CADM2: variants seen among roughly 807,000 people sequenced by gnomAD.
CADM2 encodes the protein cell adhesion molecule 2, also known as immunoglobulin superfamily member 4D.
A neutral mutation model predicts 49.8 loss-of-function variants in CADM2; 12 were observed. That is an observed-to-expected ratio of 0.24 (90% CI 0.15 to 0.39). CADM2 has a LOEUF of 0.39. Among genes scored for constraint, CADM2 ranks in the 10% least tolerant of loss-of-function variants. The probability of loss-of-function intolerance (pLI) is 1.00; values close to 1 mark genes in which losing one functional copy is unlikely to be tolerated. For synonymous variants in CADM2, 214 were observed against 175.4 expected (o/e 1.22, Z -1.74); for missense variants, 378 against 492.3 (o/e 0.77, Z 2.20).
intron 1 of CADM2, among the ~76,000 whole-genome samples, chr3:85,191,867 CAGA>C (rs1306022734): frequency 6.6e-6 from 1 of 151,886 alleles, no homozygotes; most frequent in Admixed American, 6.6e-5. Flanking sequence ...CTGTAGTTTT[CAGA>C]AGGCTTCCAC....
intron 1 of CADM2, among the ~76,000 whole-genome samples, chr3:85,186,711 G>A (rs72909174): frequency 0.063 from 9,549 of 151,264 alleles, 991 homozygotes; most frequent in African/African-American, 0.22. Context: ...CTTGACAATC[G>A]GAAACGTCTC....
chr3:85,173,455 A>G (rs547973723), intron 1 of CADM2, among the ~76,000 whole-genome samples: 2 of 151,664 alleles, frequency 1.3e-5, no homozygotes, highest in East Asian at 1.9e-4. Flanking sequence ...ATTTAATTCA[A>G]TGTTTCTGCT....
At chr3:85,068,090 A>C (rs1043692500) in intron 1 of CADM2, among the ~76,000 whole-genome samples, 1 of 152,176 alleles carries the variant, frequency 6.6e-6, no homozygotes, top group Non-Finnish European at 1.5e-5. Context: ...TTCTCTAGAC[A>C]CTATTTTTAA....
intron 1 of CADM2, among the ~76,000 whole-genome samples, chr3:85,258,078 C>T (rs1021901418): frequency 6.6e-6 from 1 of 152,018 alleles, no homozygotes; most frequent in Non-Finnish European, 1.5e-5. Context: ...GATTCACTTT[C>T]CTATTGGCTT....
In CADM2 at chr3:85,912,561, C is replaced by T. The variant is rs143748547; in HGVS notation, c.700+18C>T. 7.2e-5 allele frequency: 116 copies of T among 1,601,546 alleles called. No homozygotes were observed. The highest frequency in any genetic ancestry group is 1.5e-4 in the Admixed American group (9 of 58,592). ...AATACACTGTAAGTAAACACTACTT[C>T]CCCCTCCTTTATCTCAGCAGCAAAT... On this transcript the variant is annotated intron_variant, in intron 6 of 9. Coordinates refer to ENST00000383699, the MANE Select transcript of CADM2 (RefSeq NM_001167675.2).
rs578163910 is a variant in CADM2, at chr3:85,070,424, T to C, written c.61+110756T>C. On this transcript the variant is annotated intron_variant, in intron 1 of 9. Transcript: ENST00000383699. ...CTAGATTCCTCTCCTCTAGATTGCC[T>C]GGGATTATTTGTTTAGACCATTAAA... Among the ~76,000 whole-genome samples, 14 of 152,326 alleles carry C rather than the reference T, an allele frequency of 9.2e-5. 1 individual carries two copies. In the South Asian group the frequency reaches 2.5e-3, roughly 27 times the overall value.
chr3:85,559,554 T>C (rs1203207488), intron 1 of CADM2, among the ~76,000 whole-genome samples: 2 of 151,918 alleles, frequency 1.3e-5, no homozygotes, highest in Admixed American at 1.3e-4. Context: ...AATTATATAG[T>C]AAATATATTT....
intron 1 of CADM2, among the ~76,000 whole-genome samples, chr3:85,023,715 C>T (rs1483919803): frequency 6.6e-6 from 1 of 152,070 alleles, no homozygotes; most frequent in African/African-American, 2.4e-5. Flanking sequence ...ATTTCTGTCA[C>T]TCCTAAATAA....
chr3:85,593,962 G>T (rs1015793786), intron 1 of CADM2, among the ~76,000 whole-genome samples: 54 of 151,802 alleles, frequency 3.6e-4, no homozygotes, highest in African/African-American at 1.3e-3. Context: ...GATTAACATT[G>T]GAGTTTTATC....
At chr3:85,120,722 A>C (rs72905270) in intron 1 of CADM2, among the ~76,000 whole-genome samples, 4 of 152,060 alleles carry the variant, frequency 2.6e-5, no homozygotes, top group African/African-American at 9.7e-5. Flanking sequence ...GAAATACGTC[A>C]TGTAGATGAC....
At chr3:85,110,475 A>G (rs1355133651) in intron 1 of CADM2, among the ~76,000 whole-genome samples, 1 of 151,822 alleles carries the variant, frequency 6.6e-6, no homozygotes, top group African/African-American at 2.4e-5. Flanking sequence ...TGAAAACGTG[A>G]AGAGAAGGGG....
intron 1 of CADM2, among the ~76,000 whole-genome samples, chr3:85,288,446 T>C (rs1393205898): frequency 6.6e-6 from 1 of 152,150 alleles, no homozygotes; most frequent in Non-Finnish European, 1.5e-5. Context: ...TTAATACATA[T>C]ATTCTGCAAA....
intron 3 of CADM2, among the ~76,000 whole-genome samples, chr3:85,830,266 G>A (rs1002541018): frequency 1.3e-5 from 2 of 151,882 alleles, no homozygotes; most frequent in Admixed American, 6.6e-5. Flanking sequence ...TATCCCTGGT[G>A]ATTAGTGATG....
intron 1 of CADM2, among the ~76,000 whole-genome samples, chr3:84,961,060 A>T (rs2030460228): frequency 6.6e-6 from 1 of 151,960 alleles, no homozygotes; most frequent in African/African-American, 2.4e-5. Flanking sequence ...TTATTTGGGT[A>T]TTTGCAGGAA....
At chr3:86,058,157 A>G (rs537475309) in intron 8 of CADM2, among the ~76,000 whole-genome samples, 1 of 152,166 alleles carries the variant, frequency 6.6e-6, no homozygotes, top group Non-Finnish European at 1.5e-5. Context: ...TTTCCATCTA[A>G]TCTCATGTTA....
chr3:86,060,224 C>CA (rs71128113), intron 8 of CADM2, among the ~76,000 whole-genome samples: 34,300 of 144,386 alleles, frequency 0.24, 4,228 homozygotes, highest in East Asian at 0.34. Flanking sequence ...GTTTTAATGT[C>CA]AAAAAAAAAA....
chr3:85,536,405 A>T (rs1345661328), intron 1 of CADM2, among the ~76,000 whole-genome samples: 1 of 151,756 alleles, frequency 6.6e-6, no homozygotes, highest in East Asian at 1.9e-4. Flanking sequence ...AAAAAAAATG[A>T]TGTTTATGTT....
At chr3:84,964,474 G>GATCAAA in intron 1 of CADM2, among the ~76,000 whole-genome samples, 1 of 152,288 alleles carries the variant, frequency 6.6e-6, no homozygotes, top group South Asian at 2.1e-4. Context: ...TTGCTGACAA[G>GATCAAA]TGCTCTATGA....
Position 85,398,632 on chromosome 3 carries a change from A to C in CADM2, c.62-327890A>C, listed in dbSNP as rs1198308474. ...TGTACAGTCCCACCAACAGTGTAAA[A>C]GTGTTCCTATTTCTCCACATCCTCT... On this transcript the variant is annotated intron_variant, in intron 1 of 9. Transcript: ENST00000383699. Among the ~76,000 whole-genome samples, 3 of 152,138 alleles carry C rather than the reference A, an allele frequency of 2.0e-5. 1 individual carries two copies. The East Asian group carries it at 5.8e-4, about 29-fold the overall frequency.
Sources: allele counts gnomAD v4.1 joint callset (sites outside exome capture counted in the v4.1 genomes callset), GRCh38; gene constraint gnomAD v4.1.1; transcripts MANE v1.5; gene names NCBI Gene and HGNC (gene_info 2026-07-23, HGNC 2026-07-21).